ASMTL: variants seen among roughly 807,000 people sequenced by gnomAD.
The protein encoded by ASMTL is probable bifunctional dTTP/UTP pyrophosphatase/methyltransferase protein.
Under a neutral mutation model 60.3 loss-of-function variants are expected in ASMTL, and 57 were observed. That is an observed-to-expected ratio of 0.95 (90% CI 0.76 to 1.18). The LOEUF is 1.18. ASMTL is among the 50% of genes most tolerant of loss of function. The probability of loss-of-function intolerance (pLI) is 0.00; values close to 1 mark genes in which losing one functional copy is unlikely to be tolerated. For missense variants in ASMTL, 981 were observed against 852.6 expected, an observed-to-expected ratio of 1.15 and a Z score of -1.88; for synonymous variants, 419 against 373.0, an observed-to-expected ratio of 1.12 and a Z score of -1.42.
intron 4 of ASMTL, 88 bp from the exon 5 acceptor site, chrX:1,435,171 A>C: frequency 7.3e-7 from 1 of 1,369,990 alleles, no homozygotes; most frequent in Non-Finnish European, 1.0e-6. Flanking sequence ...GGAGGCAGCG[A>C]GGCGTCCTTA....
chrX:1,433,775 G>T (rs1334565210), intron 5 of ASMTL, among the ~76,000 whole-genome samples: 1 of 151,858 alleles, frequency 6.6e-6, no homozygotes, highest in Non-Finnish European at 1.5e-5. Context: ...GCCACGGCGG[G>T]CATGGAGGCT....
rs756437483 is a variant in ASMTL, at chrX:1,411,806, CTTTTTTT to C, written c.1645+919_1645+925del. 1.4e-3 allele frequency among the ~76,000 whole-genome samples: 124 copies of C among 86,174 alleles called. 1 individual carries two copies. The highest frequency in any genetic ancestry group is 3.6e-3 in the African/African-American group (74 of 20,400). The allele number at this position is 86,174 out of a possible 152,430, so 56.5% of individuals were successfully genotyped here. A position where few individuals can be genotyped will look rare whatever the true frequency, so the allele number is the denominator to read the frequency against. On this transcript the variant is annotated intron_variant, in intron 12 of 12. Transcript: ENST00000381317. ...AAATATATTTTCTCTTTAGGATTTTCTTTTTTTTTTTTTTTTTTTTTTTTGAGATGGA... is the reference window on the plus strand; with the variant it reads ...AAATATATTTTCTCTTTAGGATTTTCTTTTTTTTTTTTTTTTTGAGATGGA...
At chrX:1,420,462 C>A (rs1444901304) in intron 9 of ASMTL, among the ~76,000 whole-genome samples, 8 of 152,116 alleles carry the variant, frequency 5.3e-5, no homozygotes, top group African/African-American at 9.7e-5. Context: ...CTCTGCATCA[C>A]ACACACACAC....
chrX:1,443,987 T>C (rs2091179478), intron 1 of ASMTL, among the ~76,000 whole-genome samples: 1 of 152,180 alleles, frequency 6.6e-6, no homozygotes, highest in Admixed American at 6.6e-5. Flanking sequence ...TAAGTTCCCT[T>C]GATTAAAAAC....
chrX:1,403,724 C>T (rs769960849), intron 12 of ASMTL: 1 of 598,504 alleles, frequency 1.7e-6, no homozygotes, highest in Non-Finnish European at 3.0e-6. Flanking sequence ...ATGGATGCAT[C>T]ACCTGGGCCT....
In ASMTL at chrX:1,432,259, C is replaced by T. The variant is rs2090815634; in HGVS notation, c.509+10G>A. On this transcript the variant is annotated intron_variant, in intron 6 of 12. Coordinates refer to ENST00000381317, the MANE Select transcript of ASMTL (RefSeq NM_004192.4). ...GTGTCCCCCGTCCCCCCACCGCCCCCGAGACTCACATGGGCTCCCCGCTGT... is the reference window on the plus strand; with the variant it reads ...GTGTCCCCCGTCCCCCCACCGCCCCTGAGACTCACATGGGCTCCCCGCTGT... 5 of 1,603,468 alleles carry T rather than the reference C, an allele frequency of 3.1e-6. No homozygotes were observed. The highest frequency in any genetic ancestry group is 2.2e-5 in the East Asian group (1 of 44,788).
intron 8 of ASMTL, among the ~76,000 whole-genome samples, chrX:1,425,317 G>A (rs1414361754): frequency 2.6e-5 from 4 of 152,180 alleles, no homozygotes; most frequent in Non-Finnish European, 4.4e-5. Context: ...AGGAGGTCAC[G>A]CTTCTCCTAT....
chrX:1,435,790 C>T (rs770223698), intron 3 of ASMTL, 32 bp from the exon 4 acceptor site: 5 of 1,600,910 alleles, frequency 3.1e-6, no homozygotes, highest in Admixed American at 3.3e-5. Context: ...GGAGTTGGTT[C>T]CCACCGGCTG....
chrX:1,418,666 G>A (rs1405805212), intron 10 of ASMTL, among the ~76,000 whole-genome samples: 4 of 152,050 alleles, frequency 2.6e-5, no homozygotes, highest in Admixed American at 6.6e-5. Context: ...CACTGTCCAG[G>A]GCTGGGGTGG....
At chrX:1,446,438 A>T (rs1336441531) in intron 1 of ASMTL, among the ~76,000 whole-genome samples, 2 of 149,502 alleles carry the variant, frequency 1.3e-5, no homozygotes, top group Non-Finnish European at 3.0e-5. Flanking sequence ...CTACACTCTC[A>T]TGCCTCCGCA....
chrX:1,430,292 G>T lies in ASMTL; in HGVS notation c.509+1977C>A, dbSNP rs377114537. 2.6e-5 allele frequency among the ~76,000 whole-genome samples: 4 copies of T among 152,254 alleles called. 1 individual carries two copies. The South Asian group carries it at 8.3e-4, about 32-fold the overall frequency. On this transcript the variant is annotated intron_variant, in intron 6 of 12. Coordinates refer to ENST00000381317, the MANE Select transcript of ASMTL (RefSeq NM_004192.4). ...CTCCCAAAGTATTGGGATGACAGGC[G>T]TGAGCCACCATGCCTGGCCCTGATT...
intron 12 of ASMTL, among the ~76,000 whole-genome samples, chrX:1,406,518 G>A (rs764375831): frequency 6.6e-6 from 1 of 151,314 alleles, no homozygotes; most frequent in African/African-American, 2.4e-5. Context: ...TGTGATGGAT[G>A]CTTGAATAGA....
intron 5 of ASMTL, among the ~76,000 whole-genome samples, chrX:1,433,597 G>A (rs1303948549): frequency 6.6e-6 from 1 of 150,536 alleles, no homozygotes; most frequent in Non-Finnish European, 1.5e-5. Context: ...GGAGAAGGGC[G>A]TGAACCCGGG....
At chrX:1,418,883 G>C (rs1245515554) in intron 10 of ASMTL, 99 bp downstream of exon 10, 10 of 1,478,450 alleles carry the variant, frequency 6.8e-6, no homozygotes, top group African/African-American at 1.4e-5. Flanking sequence ...TATCAGGTTT[G>C]TCAATGGAAA....
intron 5 of ASMTL, 106 bp downstream of exon 5, chrX:1,434,916 G>T: frequency 8.1e-7 from 1 of 1,228,280 alleles, no homozygotes; most frequent in Non-Finnish European, 1.2e-6. Flanking sequence ...CCCCTCCACA[G>T]GTGGGGGTGA....
intron 4 of ASMTL, 86 bp downstream of exon 4, chrX:1,435,608 C>T: frequency 7.6e-7 from 1 of 1,323,962 alleles, no homozygotes; most frequent in Admixed American, 1.8e-5. Flanking sequence ...AGAGATCCAC[C>T]CTGCTCCCCA....
In ASMTL at chrX:1,418,989, G is replaced by A. The variant is rs369910848; in HGVS notation, c.1371C>T (p.Asp457=). 250 of 1,611,890 alleles carry A rather than the reference G, an allele frequency of 1.6e-4. No individual in the cohort carries two copies. Among genetic ancestry groups the A allele is most frequent in the African/African-American group, 3.3e-4 (25 of 74,996 alleles). The change falls in exon 10 of 13, where the codon GAC becomes GAT. Residue 457 remains aspartate, a synonymous_variant. Transcript: ENST00000381317. The part of the protein sequence containing the change: ...FNLSRFSSAC[D]VGGCTGALAR... ...GGCGGGGGGGCCACCCACCTCCCACGTCGCAGGCGGAGGAGAAGCGGGACA... is the reference window on the plus strand; with the variant it reads ...GGCGGGGGGGCCACCCACCTCCCACATCGCAGGCGGAGGAGAAGCGGGACA...
chrX:1,416,577 A>G (rs1396563945), intron 11 of ASMTL, among the ~76,000 whole-genome samples: 1 of 148,694 alleles, frequency 6.7e-6, no homozygotes, highest in East Asian at 1.9e-4. Context: ...ACACAGACGC[A>G]GACACACAGA....
At chrX:1,452,717 G>A (rs1202336001) in intron 1 of ASMTL, 31 bp downstream of exon 1, 2 of 1,554,868 alleles carry the variant, frequency 1.3e-6, no homozygotes, top group Non-Finnish European at 1.7e-6. Flanking sequence ...TCCGTCCCCG[G>A]TCCCCTGCCC....
Sources: gnomAD v4.1 joint callset for allele counts (sites outside exome capture counted in the v4.1 genomes callset) on GRCh38, gnomAD v4.1.1 for gene constraint, MANE v1.5 for transcripts, NCBI Gene and HGNC (gene_info 2026-07-23, HGNC 2026-07-21) for gene names.